The following LYPLA1 variants were observed in gnomAD, a reference collection of about 807,000 sequenced individuals.
LYPLA1 encodes the protein acyl-protein thioesterase 1.
A neutral mutation model predicts 34.0 loss-of-function variants in LYPLA1; 17 were observed. That is an observed-to-expected ratio of 0.50 (90% CI 0.34 to 0.75). The LOEUF (loss-of-function observed/expected upper bound fraction) is 0.75. Ranked by LOEUF, LYPLA1 falls within the 30% of genes least tolerant of loss-of-function variation. The pLI, the probability that LYPLA1 is intolerant of heterozygous loss-of-function variation, is 0.01. For synonymous variants in LYPLA1, 98 were observed against 100.8 expected (o/e 0.97, Z 0.17); for missense variants, 203 against 288.8 (o/e 0.70, Z 2.15).
intron 2 of LYPLA1, among the ~76,000 whole-genome samples, chr8:54,089,884 A>G (rs974567141): frequency 6.6e-6 from 1 of 152,174 alleles, no homozygotes; most frequent in Admixed American, 6.5e-5. Context: ...ATGTGTAGGG[A>G]GACCCCCTGA....
intron 5 of LYPLA1, among the ~76,000 whole-genome samples, chr8:54,061,689 G>C (rs570287357): frequency 2.0e-5 from 3 of 152,256 alleles, no homozygotes; most frequent in Non-Finnish European, 4.4e-5. Flanking sequence ...GGATGAGGTG[G>C]AAGGGTCGCT....
intron 2 of LYPLA1, among the ~76,000 whole-genome samples, chr8:54,079,324 C>T (rs368572918): frequency 3.9e-5 from 6 of 152,226 alleles, no homozygotes; most frequent in South Asian, 4.1e-4. Flanking sequence ...ATAAACTTAA[C>T]GTGCATAGTT....
At chr8:54,092,641 G>A (rs1809387210) in intron 2 of LYPLA1, among the ~76,000 whole-genome samples, 1 of 152,196 alleles carries the variant, frequency 6.6e-6, no homozygotes, top group Non-Finnish European at 1.5e-5. Context: ...TGGCCAAGCT[G>A]TAGCCAACTC....
intron 6 of LYPLA1, 146 bp downstream of exon 6, chr8:54,054,914 A>C: frequency 1.6e-6 from 1 of 616,682 alleles, no homozygotes; most frequent in Non-Finnish European, 2.9e-6. Flanking sequence ...GTTCCAGTAC[A>C]CTGAAACTTA....
chr8:54,093,964 G>T (rs568201321), intron 2 of LYPLA1, among the ~76,000 whole-genome samples: 5 of 152,260 alleles, frequency 3.3e-5, no homozygotes, highest in African/African-American at 9.6e-5. Context: ...GTAATTAAAT[G>T]ATCTCCAAAT....
intron 2 of LYPLA1, among the ~76,000 whole-genome samples, chr8:54,076,045 C>T (rs1022552959): frequency 6.6e-6 from 1 of 152,180 alleles, no homozygotes; most frequent in African/African-American, 2.4e-5. Flanking sequence ...AGAAGTATGG[C>T]AAGAGCTCCT....
intron 2 of LYPLA1, among the ~76,000 whole-genome samples, chr8:54,097,236 G>C (rs1480517811): frequency 6.6e-6 from 1 of 152,166 alleles, no homozygotes; most frequent in Non-Finnish European, 1.5e-5. Context: ...AAAGGACTCA[G>C]CATCATTAGT....
intron 2 of LYPLA1, among the ~76,000 whole-genome samples, chr8:54,089,608 G>A (rs751497451): frequency 7.3e-5 from 11 of 151,584 alleles, no homozygotes; most frequent in Non-Finnish European, 1.5e-4. Flanking sequence ...ATTGAACCAT[G>A]GGCCCTTGTT....
chr8:54,092,125 G>A (rs887366045), intron 2 of LYPLA1, among the ~76,000 whole-genome samples: 2 of 150,992 alleles, frequency 1.3e-5, no homozygotes, highest in African/African-American at 2.4e-5. Context: ...GGGAGGCAGC[G>A]GCGGCAGAGG....
At chr8:54,098,079 C>T (rs557183808) in intron 2 of LYPLA1, among the ~76,000 whole-genome samples, 9 of 151,948 alleles carry the variant, frequency 5.9e-5, no homozygotes, top group African/African-American at 9.6e-5. Flanking sequence ...AAAAATTAGC[C>T]GGGTGTGGTG....
At chr8:54,084,119 C>G (rs1328019591) in intron 2 of LYPLA1, among the ~76,000 whole-genome samples, 1 of 82,522 alleles carries the variant, frequency 1.2e-5, no homozygotes, top group African/African-American at 7.8e-5. Flanking sequence ...GCCTGGGAGA[C>G]CAAAGAAAAA....
rs1805930800 is a variant in LYPLA1, at chr8:54,052,719, T to A, written c.398A>T (p.Gln133Leu). Residue 133 changes from glutamine to leucine, a missense_variant, in exon 7 of 9, where the codon CAG (glutamine) becomes CTG (leucine). Transcript: ENST00000316963. ...TGCAGTGACACCTGCCAGTTTCTGC[T>A]GTGTGGTAAGGGCAGTATATAAAGA... ...ALSLYTALTT[Q>L]QKLAGVTALS... is the part of the protein sequence containing the mutation. 1 of 1,613,986 alleles carries A rather than the reference T, an allele frequency of 6.2e-7. No homozygotes were observed. The highest frequency in any genetic ancestry group is 8.5e-7 in the Non-Finnish European group (1 of 1,179,898).
rs1390603106 is a variant in LYPLA1 at position 54,083,054 on chromosome 8, T to C, written c.102-17241A>G. On this transcript the variant is annotated intron_variant, in intron 2 of 8. Coordinates refer to ENST00000316963, the MANE Select transcript of LYPLA1 (RefSeq NM_006330.4). ...TTGTACAGTCTTATAAAATGAATGT[T>C]CGCAGACATCATTTTTTCCTTAGAA... Among the ~76,000 whole-genome samples the C allele has an allele frequency of 2.0e-5, 3 of 152,208 alleles. No homozygotes were observed. The East Asian group carries it at 5.8e-4, about 29-fold the overall frequency.
Position 54,101,937 on chromosome 8 carries a change from T to C in LYPLA1, c.-114A>G, listed in dbSNP as rs1810203470. 1 of 461,264 alleles carries C rather than the reference T, an allele frequency of 2.2e-6. No homozygotes were observed. Among genetic ancestry groups the C allele is most frequent in the Non-Finnish European group, 3.0e-6 (1 of 327,942 alleles). 28.6% of individuals were successfully genotyped at this position (461,264 alleles called of 1,614,324 possible). On this transcript the variant is annotated 5_prime_UTR_variant, in exon 1 of 9. Transcript: ENST00000316963. ...CCCACCGGGCGCACGCTCAGGCGCG[T>C]GCGCGCCAACGCGGCCCCGCGCTAC...
intron 2 of LYPLA1, among the ~76,000 whole-genome samples, chr8:54,076,193 T>A (rs1308943246): frequency 1.3e-5 from 2 of 152,016 alleles, no homozygotes; most frequent in Admixed American, 1.3e-4. Context: ...TAAAAAAGCA[T>A]CTAGAAGGAC....
intron 2 of LYPLA1, among the ~76,000 whole-genome samples, chr8:54,067,788 C>T (rs576174861): frequency 3.8e-3 from 573 of 151,700 alleles, no homozygotes; most frequent in South Asian, 0.011. Context: ...CCCCACCTCC[C>T]GGGCTCACAC....
In LYPLA1 at chr8:54,065,833, A is replaced by G. The variant is rs768698949; in HGVS notation, c.102-20T>C. ...CCGTGCCTGGTGGAAAAATCATTGA[A>G]TAATGCTATTAGACACTGTTTTAAA... On this transcript the variant is annotated intron_variant, in intron 2 of 8. Coordinates refer to ENST00000316963, the MANE Select transcript of LYPLA1 (RefSeq NM_006330.4). 2 of 1,570,156 alleles carry G rather than the reference A, an allele frequency of 1.3e-6. No homozygotes were observed. Among genetic ancestry groups the G allele is most frequent in the South Asian group, 1.1e-5 (1 of 90,144 alleles).
intron 2 of LYPLA1, among the ~76,000 whole-genome samples, chr8:54,086,310 C>A (rs1295861300): frequency 1.3e-5 from 2 of 151,550 alleles, no homozygotes; most frequent in Admixed American, 6.6e-5. Flanking sequence ...GGGCCCTCTG[C>A]CTAGGAAAAC....
At chr8:54,072,129 A>G (rs1036990632) in intron 2 of LYPLA1, among the ~76,000 whole-genome samples, 3 of 152,192 alleles carry the variant, frequency 2.0e-5, no homozygotes, top group Non-Finnish European at 4.4e-5. Context: ...AAAACAAGCA[A>G]TGGGAAAAAG....
Sources: allele counts gnomAD v4.1 joint callset (sites outside exome capture counted in the v4.1 genomes callset), GRCh38; gene constraint gnomAD v4.1.1; transcripts MANE v1.5; gene names NCBI Gene and HGNC (gene_info 2026-07-23, HGNC 2026-07-21).